Variants in TEX261 observed in about 807,000 individuals in gnomAD.
TEX261 encodes the protein protein TEX261.
Under a neutral mutation model 25.1 loss-of-function variants are expected in TEX261, and 13 were observed. The observed-to-expected ratio is 0.52, with a 90% confidence interval of 0.34 to 0.82. The LOEUF (loss-of-function observed/expected upper bound fraction) is 0.82, where lower values mean the gene tolerates loss of function less well. Ranked by LOEUF, TEX261 falls within the 40% of genes least tolerant of loss-of-function variation. TEX261 has a pLI of 0.02. For synonymous variants in TEX261, 92 were observed against 97.8 expected, an observed-to-expected ratio of 0.94 and a Z score of 0.35; for missense variants, 206 against 243.2, an observed-to-expected ratio of 0.85 and a Z score of 1.02.
In TEX261 at chr2:70,993,870, T is replaced by G. The variant is rs1318810742; in HGVS notation, c.71-95A>C. ...CAGCCCAGTCCCCATCCACCCTTCA[T>G]GGACCCCAGAAGGTCAAGAACAAAC... On this transcript the variant is annotated intron_variant, in intron 1 of 5. Coordinates refer to ENST00000272438, the MANE Select transcript of TEX261 (RefSeq NM_144582.3). 7.3e-6 allele frequency: 7 copies of G among 955,796 alleles called. No homozygotes were observed. In the African/African-American group the frequency reaches 8.1e-5, roughly 11 times the overall value. 59.2% of individuals were successfully genotyped at this position (955,796 alleles called of 1,614,324 possible).
rs782056913 is a variant in TEX261 at position 70,988,549 on chromosome 2, C to A, written c.*51G>T. The A allele has an allele frequency of 2.1e-6, 3 of 1,457,928 alleles. No individual in the cohort carries two copies. Among genetic ancestry groups the A allele is most frequent in the South Asian group, 1.1e-5 (1 of 87,828 alleles). 90.3% of individuals were successfully genotyped at this position (1,457,928 alleles called of 1,614,324 possible). On this transcript the variant is annotated 3_prime_UTR_variant, in exon 6 of 6. Coordinates refer to ENST00000272438, the MANE Select transcript of TEX261 (RefSeq NM_144582.3). ...CTGGTCCCCACCTGGCATAGAGGCC[C>A]AGGGGCCTGACTCTCCTGATCTTGC...
chr2:70,994,459 T>C, intron 1 of TEX261: 1 of 586,108 alleles, frequency 1.7e-6, no homozygotes, highest in Non-Finnish European at 2.9e-6. Context: ...TCACCCTTTC[T>C]CGGGCAGTGC....
rs2104868721 is a variant in TEX261 at position 70,987,597 on chromosome 2, T to C, written c.*1003A>G. 1 of 152,744 alleles carries C rather than the reference T, an allele frequency of 6.5e-6. No homozygotes were observed. 9.5% of individuals were successfully genotyped at this position (152,744 alleles called of 1,614,324 possible). On this transcript the variant is annotated 3_prime_UTR_variant, in exon 6 of 6. Coordinates refer to ENST00000272438, the MANE Select transcript of TEX261 (RefSeq NM_144582.3). ...CCTGCCTTCTTAGAAGGCAGATATATCTCCCCAGGAGCCAAGAGTGCACAG... is the reference window on the plus strand; with the variant it reads ...CCTGCCTTCTTAGAAGGCAGATATACCTCCCCAGGAGCCAAGAGTGCACAG...
intron 2 of TEX261, among the ~76,000 whole-genome samples, chr2:70,992,501 A>G: frequency 6.6e-6 from 1 of 152,162 alleles, no homozygotes; most frequent in Admixed American, 6.5e-5. Flanking sequence ...AGGCCAAGGC[A>G]GGCAGATCAC....
At chr2:70,993,624 ACT>A in intron 2 of TEX261, 70 bp downstream of exon 2, 2 of 1,259,604 alleles carry the variant, frequency 1.6e-6, no homozygotes, top group East Asian at 2.3e-5. Flanking sequence ...TCCATGCCAA[ACT>A]CTCCCCACTT....
At chr2:70,992,521 G>T (rs1356394884) in intron 2 of TEX261, among the ~76,000 whole-genome samples, 1 of 152,124 alleles carries the variant, frequency 6.6e-6, no homozygotes, top group Non-Finnish European at 1.5e-5. Context: ...CCTGAGGTTG[G>T]GAGTTTGTGA....
intron 1 of TEX261, chr2:70,994,483 G>C (rs1350634520): frequency 1.5e-6 from 1 of 666,656 alleles, no homozygotes; most frequent in Non-Finnish European, 2.4e-6. Flanking sequence ...AGCGGACTCT[G>C]TGACACCTGG....
chr2:70,994,364 T>G, intron 1 of TEX261: 4 of 461,456 alleles, frequency 8.7e-6, no homozygotes, highest in South Asian at 2.2e-5. Flanking sequence ...GCGGTAGGCG[T>G]TGGGGAAAAG....
chr2:70,991,080 A>G (rs1670290229), intron 3 of TEX261, among the ~76,000 whole-genome samples: 1 of 152,254 alleles, frequency 6.6e-6, no homozygotes, highest in Admixed American at 6.5e-5. Context: ...GCAATGATGA[A>G]CAGGAGCAAT....
In TEX261 at chr2:70,987,789, A is replaced by T. The variant is rs1243661694; in HGVS notation, c.*811T>A. 3.3e-5 allele frequency: 5 copies of T among 152,252 alleles called. No individual in the cohort carries two copies. Among genetic ancestry groups the T allele is most frequent in the African/African-American group, 1.2e-4 (5 of 41,460 alleles). 9.4% of individuals were successfully genotyped at this position (152,252 alleles called of 1,614,324 possible). ...TTTTCCCAGAGGAAGATTTATAAATAGGATATTGTAGATGTTCTTCTGAAA... is the reference window on the plus strand; with the variant it reads ...TTTTCCCAGAGGAAGATTTATAAATTGGATATTGTAGATGTTCTTCTGAAA... On this transcript the variant is annotated 3_prime_UTR_variant, in exon 6 of 6. Coordinates refer to ENST00000272438, the MANE Select transcript of TEX261 (RefSeq NM_144582.3).
intron 5 of TEX261, 69 bp downstream of exon 5, chr2:70,988,846 A>C (rs1462760029): frequency 3.8e-6 from 6 of 1,571,098 alleles, no homozygotes; most frequent in Non-Finnish European, 4.4e-6. Flanking sequence ...AGGTTCCCTC[A>C]GTGGACCCCT....
In TEX261 at chr2:70,994,832, A is replaced by ACCGCCGCCG. The variant is rs532077917; in HGVS notation, c.-84_-76dup. 2.7e-5 allele frequency: 34 copies of ACCGCCGCCG among 1,270,036 alleles called. No homozygotes were observed. The South Asian group carries it at 2.9e-4, about 11-fold the overall frequency. The allele number at this position is 1,270,036 out of a possible 1,614,324, so 78.7% of individuals were successfully genotyped here. A position where few individuals can be genotyped will look rare whatever the true frequency, so the allele number is the denominator to read the frequency against. On this transcript the variant is annotated 5_prime_UTR_variant, in exon 1 of 6. Transcript: ENST00000272438. ...TCGGCTCCGGCGACACACAGCCGCCACCGCCGCCGCCGCCGCCGCGTCCCC... is the reference window on the plus strand; with the variant it reads ...TCGGCTCCGGCGACACACAGCCGCCACCGCCGCCGCCGCCGCCGCCGCCGCCGCGTCCCC...
intron 1 of TEX261, chr2:70,994,404 AGCC>A: frequency 1.9e-6 from 1 of 522,880 alleles, no homozygotes; most frequent in Non-Finnish European, 3.4e-6. Flanking sequence ...GAAGAGTGGG[AGCC>A]GCAGCGGTTA....
chr2:70,989,568 G>A (rs182795996), intron 4 of TEX261, 181 bp downstream of exon 4: 4 of 588,574 alleles, frequency 6.8e-6, no homozygotes, highest in Middle Eastern at 4.6e-4. Context: ...TCGGCCAAAT[G>A]AGCACAGTCT....
Position 70,988,601 on chromosome 2 carries a change from C to T in TEX261, c.590G>A (p.Ter197=). Residue 197 remains the stop codon, a stop_retained_variant, in exon 6 of 6, where the codon TGA becomes TAA. Coordinates refer to ENST00000272438, the MANE Select transcript of TEX261 (RefSeq NM_144582.3). ...CCCCACATCCTGCCTGCATGGGGGT[C>T]AGTATATCTTCTGACGACTGGGTAG... The part of the protein sequence containing the change: ...AILPSRQKIY[*] 6.2e-7 allele frequency: 1 copy of T among 1,611,114 alleles called. No homozygotes were observed. The highest frequency in any genetic ancestry group is 1.1e-5 in the South Asian group (1 of 91,014).
At chr2:70,991,714 G>A in intron 3 of TEX261, 116 bp downstream of exon 3, 10 of 1,281,398 alleles carry the variant, frequency 7.8e-6, no homozygotes, top group Non-Finnish European at 9.7e-6. Context: ...AACTAGCCTG[G>A]CTTCCTGGAG....
At chr2:70,992,623 G>A (rs1274855543) in intron 2 of TEX261, among the ~76,000 whole-genome samples, 1 of 151,952 alleles carries the variant, frequency 6.6e-6, no homozygotes, top group Non-Finnish European at 1.5e-5. Context: ...CAGCTACTCG[G>A]GAGGCTGAGG....
Position 70,988,487 on chromosome 2 carries a change from A to G in TEX261, c.*113T>C, listed in dbSNP as rs4852735. 0.32 allele frequency: 255,177 copies of G among 791,450 alleles called. 45,419 individuals carry two copies. Among genetic ancestry groups the G allele is most frequent in the African/African-American group, 0.62 (36,127 of 58,188 alleles). 49.0% of individuals were successfully genotyped at this position (791,450 alleles called of 1,614,324 possible). A position where few individuals can be genotyped will look rare whatever the true frequency, so the allele number is the denominator to read the frequency against. Reference sequence around the variant, plus strand: ...GGATGGGGCTCCAGAGTTGAGGGGAAGAAAGCCAGGGCAGGTGGTAGGTGC... The same window carrying G: ...GGATGGGGCTCCAGAGTTGAGGGGAGGAAAGCCAGGGCAGGTGGTAGGTGC... On this transcript the variant is annotated 3_prime_UTR_variant, in exon 6 of 6. Transcript: ENST00000272438.
rs1045525 is a variant in TEX261, at chr2:70,987,043, G to C, written c.*1557C>G. 101,859 of 151,944 alleles carry C rather than the reference G, an allele frequency of 0.67. 34,761 individuals carry two copies. Among genetic ancestry groups the C allele is most frequent in the African/African-American group, 0.8 (33,051 of 41,416 alleles). The allele number at this position is 151,944 out of a possible 1,614,324, so 9.4% of individuals were successfully genotyped here. ...GAAAGGGGTCTGCTGGATTTAGCAA[G>C]CCCTGGGAGAACACTGGCAGTAGAG... On this transcript the variant is annotated 3_prime_UTR_variant, in exon 6 of 6. Transcript: ENST00000272438.
Sources: allele counts gnomAD v4.1 joint callset (sites outside exome capture counted in the v4.1 genomes callset), GRCh38; gene constraint gnomAD v4.1.1; transcripts MANE v1.5; gene names NCBI Gene and HGNC (gene_info 2026-07-23, HGNC 2026-07-21).